The following INPP4B variants were observed in gnomAD, a reference collection of about 807,000 sequenced individuals.
INPP4B encodes inositol polyphosphate 4-phosphatase type II.
INPP4B carries 55 observed loss-of-function variants against 122.5 expected under a neutral mutation model. The observed-to-expected ratio is 0.45, with a 90% CI of 0.36 to 0.56. The LOEUF (loss-of-function observed/expected upper bound fraction) is 0.56. Among genes scored for constraint, INPP4B ranks in the 20% least tolerant of loss-of-function variants. The probability of loss-of-function intolerance (pLI) is 0.00; values close to 1 mark genes in which losing one functional copy is unlikely to be tolerated. For missense variants in INPP4B, 1,000 were observed against 1,097.7 expected (o/e 0.91, Z 1.26); for synonymous variants, 403 against 388.7 (o/e 1.04, Z -0.43).
At chr4:142,349,108 A>T (rs916682561) in intron 7 of INPP4B, among the ~76,000 whole-genome samples, 3 of 152,050 alleles carry the variant, frequency 2.0e-5, no homozygotes, top group Admixed American at 1.3e-4. Flanking sequence ...CAAGATCATC[A>T]TGGCAATGGT....
rs910346071 is a variant in INPP4B, at chr4:142,228,332, T to A, written c.836+9532A>T. 7.2e-5 allele frequency among the ~76,000 whole-genome samples: 11 copies of A among 152,046 alleles called. No homozygotes were observed. The South Asian group carries it at 1.0e-3, about 14-fold the overall frequency. ...ATACAAATCAAATATATTACTTTTT[T>A]AAAAAAATGCAAAATCTATAGGAAC... is the stretch of plus-strand genomic sequence containing the variant. On this transcript the variant is annotated intron_variant, in intron 12 of 25. Coordinates refer to ENST00000262992, the MANE Select transcript of INPP4B (RefSeq NM_001101669.3).
chr4:142,414,652 T>C (rs1805302703), intron 5 of INPP4B, among the ~76,000 whole-genome samples: 1 of 152,234 alleles, frequency 6.6e-6, no homozygotes, highest in African/African-American at 2.4e-5. Flanking sequence ...AATCCTATTT[T>C]GTCTTGCTTT....
At chr4:142,705,228 C>T (rs945351913) in intron 2 of INPP4B, among the ~76,000 whole-genome samples, 1 of 152,098 alleles carries the variant, frequency 6.6e-6, no homozygotes, top group Non-Finnish European at 1.5e-5. Flanking sequence ...TCAGGACCAT[C>T]GGTTCTCTAT....
intron 2 of INPP4B, among the ~76,000 whole-genome samples, chr4:142,659,076 C>A (rs1190358129): frequency 1.3e-5 from 2 of 152,052 alleles, no homozygotes; most frequent in Non-Finnish European, 2.9e-5. Context: ...TTTTGCAAAC[C>A]ATTCAGTCCT....
chr4:142,644,539 G>A (rs1159816709), intron 2 of INPP4B, among the ~76,000 whole-genome samples: 1 of 151,788 alleles, frequency 6.6e-6, no homozygotes, highest in Non-Finnish European at 1.5e-5. Flanking sequence ...ACTAGCTTTA[G>A]TTAACTTCAG....
chr4:142,377,838 C>G lies in INPP4B; in HGVS notation c.372+25100G>C, dbSNP rs1046300736. Reference sequence around the variant, plus strand: ...TCATAGATTTCAAATTCAAACAACCCTGGTGCACCAGCATAAGCTCTGCAC... The same window carrying G: ...TCATAGATTTCAAATTCAAACAACCGTGGTGCACCAGCATAAGCTCTGCAC... On this transcript the variant is annotated intron_variant, in intron 7 of 25. Transcript: ENST00000262992. Among the ~76,000 whole-genome samples the G allele has an allele frequency of 3.3e-5, 5 of 152,018 alleles. No homozygotes were observed. In the East Asian group the frequency reaches 9.7e-4, roughly 29 times the overall value.
rs117910514 is a variant in INPP4B, at chr4:142,581,959, C to T, written c.-190-119233G>A. Among the ~76,000 whole-genome samples, 231 of 152,006 alleles carry T rather than the reference C, an allele frequency of 1.5e-3. 3 individuals carry two copies. In the East Asian group the frequency reaches 0.034, roughly 23 times the overall value. On this transcript the variant is annotated intron_variant, in intron 2 of 25. Coordinates refer to ENST00000262992, the MANE Select transcript of INPP4B (RefSeq NM_001101669.3). ...TTACATGGAAGAAAATTAATCACAG[C>T]GTGGAAAAAAACCTACTTAAAAAAT...
intron 2 of INPP4B, among the ~76,000 whole-genome samples, chr4:142,606,777 A>T (rs777146721): frequency 2.6e-5 from 4 of 151,978 alleles, no homozygotes; most frequent in Non-Finnish European, 5.9e-5. Context: ...TTTTCTCCGG[A>T]CTCAGATCAA....
At chr4:142,103,318 A>G (rs887949056) in intron 23 of INPP4B, among the ~76,000 whole-genome samples, 1 of 152,048 alleles carries the variant, frequency 6.6e-6, no homozygotes, top group Non-Finnish European at 1.5e-5. Context: ...TTCTCATTTT[A>G]TAATGTATGT....
At chr4:142,580,452 A>C (rs1287095796) in intron 2 of INPP4B, among the ~76,000 whole-genome samples, 1 of 151,936 alleles carries the variant, frequency 6.6e-6, no homozygotes, top group Admixed American at 6.6e-5. Context: ...TAATTCTAAT[A>C]GTTAAATTTT....
intron 18 of INPP4B, among the ~76,000 whole-genome samples, chr4:142,139,665 A>C (rs1806706843): frequency 6.6e-6 from 1 of 152,168 alleles, no homozygotes; most frequent in African/African-American, 2.4e-5. Flanking sequence ...ACCAAAGACA[A>C]AAGATGGGAA....
intron 3 of INPP4B, among the ~76,000 whole-genome samples, chr4:142,434,206 G>A (rs1009557294): frequency 6.6e-6 from 1 of 152,152 alleles, no homozygotes; most frequent in African/African-American, 2.4e-5. Context: ...GATGTACCTG[G>A]ATGGTCAAAT....
At chr4:142,097,237 T>TTTATTTTATG in intron 23 of INPP4B, among the ~76,000 whole-genome samples, 1 of 145,758 alleles carries the variant, frequency 6.9e-6, no homozygotes, top group African/African-American at 2.5e-5. Flanking sequence ...TTTATTTTAT[T>TTTATTTTATG]TTATTTTATT....
At chr4:142,091,741 T>C (rs142664931) in intron 23 of INPP4B, among the ~76,000 whole-genome samples, 18 of 152,336 alleles carry the variant, frequency 1.2e-4, no homozygotes, top group African/African-American at 4.3e-4. Flanking sequence ...AGCTCTGACT[T>C]TGACGACCTG....
chr4:142,692,366 G>A (rs563623351), intron 2 of INPP4B, among the ~76,000 whole-genome samples: 2 of 152,184 alleles, frequency 1.3e-5, no homozygotes, highest in South Asian at 2.1e-4. Flanking sequence ...TCTATTTGCC[G>A]ACAAGATTTA....
chr4:142,608,966 G>C (rs1741904787), intron 2 of INPP4B, among the ~76,000 whole-genome samples: 1 of 152,042 alleles, frequency 6.6e-6, no homozygotes, highest in Non-Finnish European at 1.5e-5. Context: ...CGATTTAGAG[G>C]AGCCTCCCTT....
intron 1 of INPP4B, among the ~76,000 whole-genome samples, chr4:142,759,921 A>G (rs1018180031): frequency 6.6e-6 from 1 of 151,806 alleles, no homozygotes; most frequent in Non-Finnish European, 1.5e-5. Flanking sequence ...GAACATGCGA[A>G]TTATTGATTC....
chr4:142,171,435 A>T (rs1825590193), intron 16 of INPP4B, among the ~76,000 whole-genome samples: 1 of 151,920 alleles, frequency 6.6e-6, no homozygotes, highest in African/African-American at 2.4e-5. Context: ...TTTTTATTTT[A>T]TAATCCATAG....
intron 15 of INPP4B, among the ~76,000 whole-genome samples, chr4:142,177,520 C>T (rs1305161819): frequency 1.3e-5 from 2 of 151,976 alleles, no homozygotes; most frequent in African/African-American, 4.8e-5. Context: ...AAAATATTTA[C>T]TTGGACAAAA....
Sources: gnomAD v4.1 joint callset for allele counts (sites outside exome capture counted in the v4.1 genomes callset) on GRCh38, gnomAD v4.1.1 for gene constraint, MANE v1.5 for transcripts, NCBI Gene and HGNC (gene_info 2026-07-23, HGNC 2026-07-21) for gene names.